The following CADPS variants were observed in gnomAD, a reference collection of about 807,000 sequenced individuals.
CADPS encodes calcium dependent secretion activator.
CADPS carries 57 observed loss-of-function variants against 167.3 expected under a neutral mutation model. The ratio of observed to expected loss-of-function variants is 0.34; its 90% CI spans 0.28 to 0.42. CADPS has a LOEUF of 0.42. Ranked by LOEUF, CADPS falls within the 20% of genes least tolerant of loss-of-function variation. CADPS has a pLI of 1.00. For missense variants in CADPS, 1,414 were observed against 1,738.1 expected (o/e 0.81, Z 3.32); for synonymous variants, 676 against 635.3 (o/e 1.06, Z -0.96).
intron 3 of CADPS, among the ~76,000 whole-genome samples, chr3:62,666,223 C>A (rs1017033705): frequency 1.3e-5 from 2 of 152,058 alleles, no homozygotes; most frequent in Non-Finnish European, 2.9e-5. Flanking sequence ...GACCAGAAGG[C>A]GGCCACTGCT....
chr3:62,824,735 G>A (rs952895393), intron 1 of CADPS, among the ~76,000 whole-genome samples: 11 of 152,022 alleles, frequency 7.2e-5, no homozygotes, highest in Admixed American at 3.9e-4. Context: ...CTTCCATTAC[G>A]AACTGCTGTG....
In CADPS at chr3:62,536,527, C is replaced by T; in HGVS notation, c.2021G>A (p.Cys674Tyr). Residue 674 changes from cysteine (C) to tyrosine (Y), a missense_variant, in exon 12 of 30, where the codon TGT (cysteine) becomes TAT (tyrosine). Transcript: ENST00000383710. ...AAAGAGGGAAGCGTGGTCAAAGTTA[C>T]AGGGGTTGGAAGAGATAAATTCATC... is the stretch of plus-strand genomic sequence containing the variant. Reference protein sequence around the residue: ...GMDEFISSNPCNFDHASLFEM... With the variant: ...GMDEFISSNPYNFDHASLFEM... 1 of 1,613,382 alleles carries T rather than the reference C, an allele frequency of 6.2e-7. No individual in the cohort carries two copies. Among genetic ancestry groups the T allele is most frequent in the Non-Finnish European group, 8.5e-7 (1 of 1,179,462 alleles).
chr3:62,728,706 A>C (rs142182090), intron 3 of CADPS, among the ~76,000 whole-genome samples: 2 of 152,036 alleles, frequency 1.3e-5, no homozygotes, highest in East Asian at 3.9e-4. Flanking sequence ...CTTGTGTTTA[A>C]TATTCTCAGA....
In CADPS at chr3:62,474,295, G is replaced by A; in HGVS notation, c.3355C>T (p.Leu1119=). 6.2e-7 allele frequency: 1 copy of A among 1,613,414 alleles called. No individual in the cohort carries two copies. Among genetic ancestry groups the A allele is most frequent in the Non-Finnish European group, 8.5e-7 (1 of 1,179,818 alleles). The change falls in exon 24 of 30, where the codon CTG becomes TTG. Residue 1119 remains leucine, a synonymous_variant. Coordinates refer to ENST00000383710, the MANE Select transcript of CADPS (RefSeq NM_003716.4). ...KRTRIAFEVK[L]QKTSRSTDFR... ...TCTGTTGATCGACTGGTTTTTTGCA[G>A]CTTAACTTCAAATGCAATCCTGGTT...
chr3:62,599,150 A>T (rs1251251174), intron 6 of CADPS, among the ~76,000 whole-genome samples: 2 of 152,056 alleles, frequency 1.3e-5, no homozygotes, highest in Non-Finnish European at 2.9e-5. Context: ...AAAAGACCAG[A>T]GGTGGATAAT....
At chr3:62,492,195 G>T in intron 20 of CADPS, 95 bp downstream of exon 20, 3 of 1,042,552 alleles carry the variant, frequency 2.9e-6, no homozygotes, top group Non-Finnish European at 4.4e-6. Flanking sequence ...GAAGAGCTAT[G>T]TCAAGCCTGT....
chr3:62,750,243 C>T (rs544372029), intron 3 of CADPS, among the ~76,000 whole-genome samples: 1 of 147,426 alleles, frequency 6.8e-6, no homozygotes, highest in East Asian at 2.1e-4. Context: ...CCCAGCTACT[C>T]AGGAGGCTGA....
chr3:62,520,388 CT>C (rs2070202365), intron 13 of CADPS, among the ~76,000 whole-genome samples: 1 of 151,998 alleles, frequency 6.6e-6, no homozygotes, highest in Non-Finnish European at 1.5e-5. Flanking sequence ...ATGTTTTTTC[CT>C]TTTGTTCTGA....
chr3:62,517,074 A>G (rs912830519), intron 14 of CADPS, among the ~76,000 whole-genome samples: 6 of 152,200 alleles, frequency 3.9e-5, no homozygotes, highest in Non-Finnish European at 8.8e-5. Flanking sequence ...GATTTAGAGC[A>G]AATTCATGAT....
At chr3:62,757,017 G>A (rs2084096063) in intron 2 of CADPS, among the ~76,000 whole-genome samples, 1 of 152,128 alleles carries the variant, frequency 6.6e-6, no homozygotes, top group Non-Finnish European at 1.5e-5. Context: ...ACATTCTTTG[G>A]CTTTAATGTG....
At chr3:62,867,962 G>A (rs2082009776) in intron 1 of CADPS, among the ~76,000 whole-genome samples, 1 of 151,928 alleles carries the variant, frequency 6.6e-6, no homozygotes, top group Admixed American at 6.6e-5. Context: ...GCAAACCCAG[G>A]CATTCTAATT....
chr3:62,555,438 G>GC (rs1218562904), intron 10 of CADPS, among the ~76,000 whole-genome samples: 7 of 152,222 alleles, frequency 4.6e-5, no homozygotes, highest in Non-Finnish European at 1.0e-4. Context: ...TGTTCATGCA[G>GC]CTATGCTTTA....
At chr3:62,670,136 T>A (rs541573224) in intron 3 of CADPS, among the ~76,000 whole-genome samples, 17 of 152,292 alleles carry the variant, frequency 1.1e-4, no homozygotes, top group African/African-American at 4.1e-4. Context: ...CTACAGCTGC[T>A]GCACTAAAAT....
chr3:62,428,076 A>G (rs1450265108), intron 28 of CADPS, among the ~76,000 whole-genome samples: 1 of 152,160 alleles, frequency 6.6e-6, no homozygotes, highest in Non-Finnish European at 1.5e-5. Flanking sequence ...CTATCATTGT[A>G]AGCCTTTTGA....
chr3:62,712,153 A>G (rs2083519172), intron 3 of CADPS, among the ~76,000 whole-genome samples: 1 of 152,226 alleles, frequency 6.6e-6, no homozygotes, highest in Admixed American at 6.5e-5. Flanking sequence ...TATTAAAAAT[A>G]ATGTATATTT....
At chr3:62,682,304 C>T (rs1325222093) in intron 3 of CADPS, among the ~76,000 whole-genome samples, 2 of 151,964 alleles carry the variant, frequency 1.3e-5, no homozygotes, top group Non-Finnish European at 2.9e-5. Context: ...GGAATCTACA[C>T]CCCTAGGAAG....
At chr3:62,554,610 A>G (rs2077818987) in intron 10 of CADPS, among the ~76,000 whole-genome samples, 2 of 152,206 alleles carry the variant, frequency 1.3e-5, no homozygotes. Context: ...TAAAATGTGC[A>G]TTACTTGGCT....
intron 2 of CADPS, among the ~76,000 whole-genome samples, chr3:62,764,964 G>C (rs2086475358): frequency 6.6e-6 from 1 of 152,310 alleles, no homozygotes; most frequent in East Asian, 1.9e-4. Flanking sequence ...GTGCCTAGGA[G>C]CTGGTCTCTA....
chr3:62,414,889 A>G (rs2049716058), intron 28 of CADPS, among the ~76,000 whole-genome samples: 1 of 152,104 alleles, frequency 6.6e-6, no homozygotes, highest in Admixed American at 6.5e-5. Context: ...AACCCCCCCA[A>G]ACCCACTCTC....
Sources: gnomAD v4.1 joint callset for allele counts (sites outside exome capture counted in the v4.1 genomes callset) on GRCh38, gnomAD v4.1.1 for gene constraint, MANE v1.5 for transcripts, NCBI Gene and HGNC (gene_info 2026-07-23, HGNC 2026-07-21) for gene names.